Variants in BRD1 observed in about 807,000 individuals in gnomAD.
BRD1 encodes bromodomain containing 1, also known as bromodomain-containing protein 1.
In BRD1, 24 loss-of-function variants were observed where a neutral mutation model predicts 107.7. The observed-to-expected ratio is 0.22, with a 90% CI of 0.16 to 0.31. The LOEUF (loss-of-function observed/expected upper bound fraction) is 0.31. Ranked by LOEUF, BRD1 falls within the 10% of genes least tolerant of loss-of-function variation. The pLI, the probability that BRD1 is intolerant of heterozygous loss-of-function variation, is 1.00. For synonymous variants in BRD1, 744 were observed against 686.1 expected (o/e 1.08, Z -1.32); for missense variants, 1,279 against 1,638.6 (o/e 0.78, Z 3.79).
Position 49,776,813 on chromosome 22 carries a change from G to A in BRD1, c.3121+221C>T, listed in dbSNP as rs531577911. Among the ~76,000 whole-genome samples the A allele has an allele frequency of 9.2e-5, 14 of 152,298 alleles. No individual in the cohort carries two copies. The South Asian group carries it at 2.1e-3, about 23-fold the overall frequency. On this transcript the variant is annotated intron_variant, in intron 10 of 12. Transcript: ENST00000404760. ...AGAGCTGGACGTTCCACAGGGAAAC[G>A]AAGGCAGGATGGAGGAGGCGCCACC...
At chr22:49,811,877 T>G (rs985800892) in intron 2 of BRD1, among the ~76,000 whole-genome samples, 1 of 152,236 alleles carries the variant, frequency 6.6e-6, no homozygotes, top group African/African-American at 2.4e-5. Flanking sequence ...ATGGGTGGGT[T>G]TGTGGGCATT....
chr22:49,807,915 A>G (rs1167659940), intron 2 of BRD1, among the ~76,000 whole-genome samples: 2 of 152,222 alleles, frequency 1.3e-5, no homozygotes, highest in Non-Finnish European at 2.9e-5. Flanking sequence ...AAATACTCAA[A>G]TAGACAATTC....
chr22:49,776,041 C>A lies in BRD1; in HGVS notation c.3231+9G>T. On this transcript the variant is annotated intron_variant, in intron 11 of 12. Coordinates refer to ENST00000404760, the MANE Select transcript of BRD1 (RefSeq NM_001304808.3). ...CTGGACCCGCAGGCGCCACGAGAGCCGTACTCACCAGTGCCGGGTAGGAGG... is the reference window on the plus strand; with the variant it reads ...CTGGACCCGCAGGCGCCACGAGAGCAGTACTCACCAGTGCCGGGTAGGAGG... 1 of 1,550,476 alleles carries A rather than the reference C, an allele frequency of 6.4e-7. No homozygotes were observed. Among genetic ancestry groups the A allele is most frequent in the Non-Finnish European group, 8.7e-7 (1 of 1,152,308 alleles).
rs1307273596 is a variant in BRD1, at chr22:49,776,150, T to C, written c.3131A>G (p.Gln1044Arg). The C allele has an allele frequency of 1.2e-6, 2 of 1,604,792 alleles. No homozygotes were observed. The highest frequency in any genetic ancestry group is 1.7e-6 in the Non-Finnish European group (2 of 1,179,724). ...KAARIAAEVG[Q>R]SSMWISTDAA... ...ATCAGTGGAGATCCACATGCTGCTC[T>C]GGCCGACTTCTGCGGAGAGGGGCGT... The change falls in exon 11 of 13, where the codon CAG (glutamine) becomes CGG (arginine). Residue 1044 changes from glutamine (Q) to arginine (R), a missense_variant. Gln to Arg is a conservative substitution (Grantham distance 43, BLOSUM62 1). Coordinates refer to ENST00000404760, the MANE Select transcript of BRD1 (RefSeq NM_001304808.3).
In BRD1 at chr22:49,824,264, GGAA is replaced by G; in HGVS notation, c.51_53del (p.Ser18del). The G allele has an allele frequency of 3.7e-6, 6 of 1,614,002 alleles. No individual in the cohort carries two copies. Among genetic ancestry groups the G allele is most frequent in the Non-Finnish European group, 5.1e-6 (6 of 1,180,018 alleles). On this transcript the variant is annotated inframe_deletion, in exon 2 of 13. Transcript: ENST00000404760. The surrounding 1 kb of genome is among the most constrained non-coding windows in gnomAD (Gnocchi z 5.9). ...TAGGGGAGTGTTTAACACTGCATGG[GGAA>G]GAAGGATGCCTCGCTGCAGAGCCTC...
Position 49,792,250 on chromosome 22 carries a change from C to T in BRD1, c.2359+1784G>A, listed in dbSNP as rs907774488. 2.0e-5 allele frequency among the ~76,000 whole-genome samples: 3 copies of T among 152,230 alleles called. No homozygotes were observed. ...GTACAACTGTGTGCGAAGAGAAGCG[C>T]TGGAAGCTATTTTGAGAATGGTGAG... On this transcript the variant is annotated intron_variant, in intron 7 of 12. Transcript: ENST00000404760. The surrounding 1 kb of genome is among the most constrained non-coding windows in gnomAD (Gnocchi z 4.2).
At chr22:49,826,042 GAGCCC>G (rs1202660613) in intron 1 of BRD1, 1 of 407,726 alleles carries the variant, frequency 2.5e-6, no homozygotes, top group African/African-American at 2.2e-5. Flanking sequence ...CCGGCCCCGT[GAGCCC>G]TGCAGAGGTG....
chr22:49,789,062 G>A (rs1036934220), intron 7 of BRD1, among the ~76,000 whole-genome samples: 10 of 152,306 alleles, frequency 6.6e-5, no homozygotes, highest in Admixed American at 6.5e-5. Flanking sequence ...TTTCGGCTGC[G>A]AGGTGCCTCT....
intron 2 of BRD1, among the ~76,000 whole-genome samples, chr22:49,810,746 C>T (rs934670002): frequency 3.9e-5 from 6 of 152,176 alleles, no homozygotes; most frequent in African/African-American, 1.2e-4. Context: ...GCAAAACCCC[C>T]GAGCGATCGC....
chr22:49,827,632 G>T lies in BRD1; in HGVS notation c.-150C>A, dbSNP rs1389463979. 6.9e-6 allele frequency: 1 copy of T among 145,218 alleles called. No homozygotes were observed. Among genetic ancestry groups the T allele is most frequent in the Non-Finnish European group, 1.5e-5 (1 of 65,490 alleles). The allele number at this position is 145,218 out of a possible 1,614,324, so 9.0% of individuals were successfully genotyped here. A position where few individuals can be genotyped will look rare whatever the true frequency, so the allele number is the denominator to read the frequency against. ...CCGGGCCCCGCCGCCGCTCCTGGGC[G>T]CGGGCCCCTCTCGGCCGCGGCGGCT... On this transcript the variant is annotated 5_prime_UTR_variant, in exon 1 of 13. Coordinates refer to ENST00000404760, the MANE Select transcript of BRD1 (RefSeq NM_001304808.3).
chr22:49,823,220 G>A lies in BRD1; in HGVS notation c.1098C>T (p.Pro366=), dbSNP rs763183463. The A allele has an allele frequency of 1.1e-5, 17 of 1,614,140 alleles. No homozygotes were observed. The highest frequency in any genetic ancestry group is 1.2e-5 in the Non-Finnish European group (14 of 1,180,032). The stretch of plus-strand genomic sequence containing the variant: ...TGCCACCGCCAGTCAGTTCCTTCAC[G>A]GGCTCCATTTTCATGTACAGGCCAG... ...QKAGLYMKME[P]VKELTGGGTT... is the part of the protein sequence containing the mutation. Residue 366 remains proline (P), a synonymous_variant, in exon 2 of 13, where the codon CCC becomes CCT. Coordinates refer to ENST00000404760, the MANE Select transcript of BRD1 (RefSeq NM_001304808.3).
chr22:49,798,174 T>A, intron 5 of BRD1, 57 bp from the exon 6 acceptor site: 2 of 1,452,936 alleles, frequency 1.4e-6, no homozygotes, highest in South Asian at 1.3e-5. Flanking sequence ...ATTAGTTGAC[T>A]CTATATTTAT....
At chr22:49,781,971 C>G (rs899102142) in intron 8 of BRD1, among the ~76,000 whole-genome samples, 3 of 132,034 alleles carry the variant, frequency 2.3e-5, no homozygotes, top group African/African-American at 2.9e-5. Flanking sequence ...CGGGACGGTC[C>G]GAGACAGACC....
In BRD1 at chr22:49,794,057, A is replaced by T. The variant is rs776586167; in HGVS notation, c.2336T>A (p.Leu779Gln). ...ACCTTCCTCGCCCGCCTCCGGCCCC[A>T]GCGCAGCTCCGTCCTCTTCGAAGCC... is the stretch of plus-strand genomic sequence containing the variant. ...LEGFEEDGAA[L>Q]GPEAGEEGDK... Residue 779 changes from leucine (L) to glutamine (Q), a missense_variant, in exon 7 of 13, where the codon CTG (leucine) becomes CAG (glutamine). Around this residue, in one of 7 missense-constraint regions of BRD1, gnomAD observed 406 missense variants for 519.4 expected, o/e 0.78. Coordinates refer to ENST00000404760, the MANE Select transcript of BRD1 (RefSeq NM_001304808.3). 1 of 1,613,520 alleles carries T rather than the reference A, an allele frequency of 6.2e-7. No individual in the cohort carries two copies. The highest frequency in any genetic ancestry group is 1.1e-5 in the South Asian group (1 of 91,064).
chr22:49,825,688 C>T (rs1319397134), intron 1 of BRD1: 1 of 152,282 alleles, frequency 6.6e-6, no homozygotes, highest in African/African-American at 2.4e-5. Context: ...GACGCCTGGC[C>T]TCGGGGCCCA....
chr22:49,811,779 C>A (rs968153827), intron 2 of BRD1, among the ~76,000 whole-genome samples: 1 of 152,210 alleles, frequency 6.6e-6, no homozygotes, highest in African/African-American at 2.4e-5. Context: ...TGACAAAATT[C>A]CCCCACGGGC....
rs1189364800 is a variant in BRD1 at position 49,799,021 on chromosome 22, C to A, written c.1623G>T (p.Leu541=). ...DLERARLLIE[L]LRKREKLKRE... is the part of the protein sequence containing the mutation. The stretch of plus-strand genomic sequence containing the variant: ...GCTTGAGCTTCTCCCGCTTGCGCAG[C>A]AGCTCGATCAGCAGGCGAGCGCGCT... Residue 541 remains leucine, a synonymous_variant, in exon 4 of 13, where the codon CTG becomes CTT. Coordinates refer to ENST00000404760, the MANE Select transcript of BRD1 (RefSeq NM_001304808.3). The A allele has an allele frequency of 6.2e-7, 1 of 1,610,990 alleles. No homozygotes were observed. Among genetic ancestry groups the A allele is most frequent in the South Asian group, 1.1e-5 (1 of 91,036 alleles).
chr22:49,784,024 G>A (rs994307225), intron 8 of BRD1, among the ~76,000 whole-genome samples: 1 of 152,198 alleles, frequency 6.6e-6, no homozygotes, highest in Non-Finnish European at 1.5e-5. Flanking sequence ...GAAAGGGCAG[G>A]ACAGCTCAGC....
At chr22:49,798,307 G>A (rs1048820377) in intron 5 of BRD1, among the ~76,000 whole-genome samples, 190 bp from the exon 6 acceptor site, 1 of 152,192 alleles carries the variant, frequency 6.6e-6, no homozygotes, top group Admixed American at 6.5e-5. Flanking sequence ...GCTAAAGCAC[G>A]CTGGAGGGTG....
Sources: allele counts gnomAD v4.1 joint callset (sites outside exome capture counted in the v4.1 genomes callset), GRCh38; gene constraint gnomAD v4.1.1; regional missense constraint gnomAD v4.1.1; non-coding constraint Gnocchi (gnomAD v3.1); transcripts MANE v1.5; gene names NCBI Gene and HGNC (gene_info 2026-07-23, HGNC 2026-07-21).